Variants in TRAM2 observed in about 807,000 individuals in gnomAD.
TRAM2 encodes translocating chain-associated membrane protein 2.
Under a neutral mutation model 51.0 loss-of-function variants are expected in TRAM2, and 12 were observed. That is an observed-to-expected ratio of 0.24 (90% CI 0.15 to 0.38). The LOEUF (loss-of-function observed/expected upper bound fraction) is 0.38, where lower values mean the gene tolerates loss of function less well. Ranked by LOEUF, TRAM2 falls within the 10% of genes least tolerant of loss-of-function variation. TRAM2 has a pLI of 1.00. For synonymous variants in TRAM2, 175 were observed against 179.4 expected, an observed-to-expected ratio of 0.98 and a Z score of 0.20; for missense variants, 361 against 462.0, an observed-to-expected ratio of 0.78 and a Z score of 2.00.
At chr6:52,562,973 AAT>A (rs1767525049) in intron 1 of TRAM2, among the ~76,000 whole-genome samples, 1 of 152,258 alleles carries the variant, frequency 6.6e-6, no homozygotes, top group Non-Finnish European at 1.5e-5. Context: ...ACAATTTGTC[AAT>A]ATCTATCAAA....
Position 52,498,147 on chromosome 6 carries a change from T to C in TRAM2, c.*5050A>G, listed in dbSNP as rs1024334293. ...CAACAAAAGGAAAGTGGCTATTTCTTGTGTAAGGGATGACGACTCCCCCTC... is the reference window on the plus strand; with the variant it reads ...CAACAAAAGGAAAGTGGCTATTTCTCGTGTAAGGGATGACGACTCCCCCTC... On this transcript the variant is annotated 3_prime_UTR_variant, in exon 11 of 11. Coordinates refer to ENST00000182527, the MANE Select transcript of TRAM2 (RefSeq NM_012288.4). 1.3e-5 allele frequency: 2 copies of C among 152,556 alleles called. No individual in the cohort carries two copies. The highest frequency in any genetic ancestry group is 4.8e-5 in the African/African-American group (2 of 41,418). 9.5% of individuals were successfully genotyped at this position (152,556 alleles called of 1,614,324 possible). A position where few individuals can be genotyped will look rare whatever the true frequency, so the allele number is the denominator to read the frequency against.
intron 1 of TRAM2, among the ~76,000 whole-genome samples, chr6:52,545,404 C>T (rs889191425): frequency 6.6e-6 from 1 of 152,200 alleles, no homozygotes; most frequent in African/African-American, 2.4e-5. Flanking sequence ...CTGCCTGGGA[C>T]ACGAATGACC....
At chr6:52,504,495 T>C in intron 10 of TRAM2, 96 bp downstream of exon 10, 3 of 1,564,616 alleles carry the variant, frequency 1.9e-6, no homozygotes, top group Non-Finnish European at 2.6e-6. Context: ...AGGATTGGTC[T>C]GGGCAGCGCC....
At chr6:52,537,812 G>A (rs963476028) in intron 1 of TRAM2, among the ~76,000 whole-genome samples, 3 of 152,114 alleles carry the variant, frequency 2.0e-5, no homozygotes, top group Non-Finnish European at 4.4e-5. Context: ...CATTGCTTAA[G>A]ATGAAAAATC....
chr6:52,548,988 C>G (rs2397093), intron 1 of TRAM2, among the ~76,000 whole-genome samples: 135,495 of 152,184 alleles, frequency 0.89, 60,337 homozygotes, highest in East Asian at 0.96. Context: ...GAGCCAGAAA[C>G]ATGTACAGAA....
At chr6:52,526,363 G>A (rs563824871) in intron 2 of TRAM2, among the ~76,000 whole-genome samples, 45 of 152,262 alleles carry the variant, frequency 3.0e-4, no homozygotes, top group Non-Finnish European at 2.2e-4. Context: ...GATGAATGAA[G>A]GGCTGAAGAG....
chr6:52,564,005 T>C (rs1438710498), intron 1 of TRAM2, among the ~76,000 whole-genome samples: 1 of 152,062 alleles, frequency 6.6e-6, no homozygotes, highest in Non-Finnish European at 1.5e-5. Context: ...AAGCATCTCT[T>C]ACTGGTTACC....
intron 1 of TRAM2, among the ~76,000 whole-genome samples, chr6:52,563,452 G>A (rs1215874872): frequency 1.3e-5 from 2 of 152,102 alleles, no homozygotes; most frequent in African/African-American, 4.8e-5. Context: ...GGGCGTGGTG[G>A]CTCACATCTG....
intron 2 of TRAM2, among the ~76,000 whole-genome samples, chr6:52,518,277 G>A (rs562267961): frequency 1.3e-5 from 2 of 152,248 alleles, no homozygotes; most frequent in South Asian, 4.2e-4. Flanking sequence ...GGACATCCTA[G>A]CCAGAGAAAG....
intron 6 of TRAM2, among the ~76,000 whole-genome samples, 188 bp from the exon 7 acceptor site, chr6:52,507,811 A>C (rs1766376449): frequency 1.3e-5 from 2 of 152,250 alleles, no homozygotes; most frequent in Non-Finnish European, 2.9e-5. Flanking sequence ...ATTCAGGTCC[A>C]TTCCCAAATT....
chr6:52,508,304 A>C lies in TRAM2; in HGVS notation c.485T>G (p.Phe162Cys). 1 of 1,613,782 alleles carries C rather than the reference A, an allele frequency of 6.2e-7. No homozygotes were observed. The highest frequency in any genetic ancestry group is 1.3e-5 in the African/African-American group (1 of 75,048). Residue 162 changes from phenylalanine to cysteine, a missense_variant, in exon 6 of 11, where the codon TTT becomes TGT. Physicochemically the swap from Phe to Cys is radical, Grantham distance 205 (BLOSUM62 -2). Coordinates refer to ENST00000182527, the MANE Select transcript of TRAM2 (RefSeq NM_012288.4). The stretch of plus-strand genomic sequence containing the variant: ...GTAGGCCAGCTGGCATAGGTAGAAA[A>C]ACTTCACCTGGAAGCTGGAGACAAG... The part of the protein sequence containing the change: ...PHVHLPFQVK[F>C]FYLCQLAYWL...
intron 2 of TRAM2, among the ~76,000 whole-genome samples, chr6:52,535,129 C>G (rs536704778): frequency 1.3e-5 from 2 of 152,324 alleles, no homozygotes; most frequent in African/African-American, 4.8e-5. Context: ...TGCCCATTCT[C>G]CTCTGAAAAT....
rs1324832763 is a variant in TRAM2 at position 52,502,246 on chromosome 6, T to C, written c.*951A>G. The C allele has an allele frequency of 6.6e-6, 1 of 152,280 alleles. No homozygotes were observed. The highest frequency in any genetic ancestry group is 6.5e-5 in the Admixed American group (1 of 15,288). 9.4% of individuals were successfully genotyped at this position (152,280 alleles called of 1,614,324 possible). ...CTGGCTCTGGAGGTGAGGACCAGCC[T>C]ATCTCAGGCAGGTATATGAACTGCT... On this transcript the variant is annotated 3_prime_UTR_variant, in exon 11 of 11. Coordinates refer to ENST00000182527, the MANE Select transcript of TRAM2 (RefSeq NM_012288.4).
rs2114054745 is a variant in TRAM2 at position 52,501,375 on chromosome 6, G to A, written c.*1822C>T. On this transcript the variant is annotated 3_prime_UTR_variant, in exon 11 of 11. Coordinates refer to ENST00000182527, the MANE Select transcript of TRAM2 (RefSeq NM_012288.4). Reference sequence around the variant, plus strand: ...TCTATGATGTAAGTGACTTGGAGAAGGGGAGTTGCCTTGATGAAAAGACCC... The same window carrying A: ...TCTATGATGTAAGTGACTTGGAGAAAGGGAGTTGCCTTGATGAAAAGACCC... 6.6e-6 allele frequency: 1 copy of A among 152,258 alleles called. No homozygotes were observed. The highest frequency in any genetic ancestry group is 3.4e-3 in the Middle Eastern group (1 of 294). 9.4% of individuals were successfully genotyped at this position (152,258 alleles called of 1,614,324 possible).
At chr6:52,570,195 T>C (rs1767653370) in intron 1 of TRAM2, among the ~76,000 whole-genome samples, 1 of 152,326 alleles carries the variant, frequency 6.6e-6, no homozygotes, top group Admixed American at 6.5e-5. Context: ...TCATCTTTTC[T>C]TACACAGATG....
intron 1 of TRAM2, among the ~76,000 whole-genome samples, chr6:52,561,036 A>AT (rs1366664465): frequency 6.6e-6 from 1 of 152,234 alleles, no homozygotes; most frequent in African/African-American, 2.4e-5. Context: ...TCGCAGTACA[A>AT]TAAAATGATT....
At chr6:52,520,550 C>A (rs1393644170) in intron 2 of TRAM2, among the ~76,000 whole-genome samples, 1 of 152,226 alleles carries the variant, frequency 6.6e-6, no homozygotes, top group African/African-American at 2.4e-5. Context: ...TGGAACAGTA[C>A]CTATATTCTA....
intron 10 of TRAM2, among the ~76,000 whole-genome samples, chr6:52,503,796 C>T (rs2114057876): frequency 6.6e-6 from 1 of 152,258 alleles, no homozygotes; most frequent in South Asian, 2.1e-4. Flanking sequence ...AAAAATTGTG[C>T]TCTATTGTTC....
intron 4 of TRAM2, among the ~76,000 whole-genome samples, chr6:52,515,533 G>A (rs942478289): frequency 2.2e-4 from 34 of 152,220 alleles, no homozygotes; most frequent in African/African-American, 8.2e-4. Context: ...AGTAAGCTGG[G>A]CTTGGAACTC....
Sources: allele counts gnomAD v4.1 joint callset (sites outside exome capture counted in the v4.1 genomes callset), GRCh38; gene constraint gnomAD v4.1.1; transcripts MANE v1.5; gene names NCBI Gene and HGNC (gene_info 2026-07-23, HGNC 2026-07-21).